Variants in NEGR1 observed in about 807,000 individuals in gnomAD.
The protein encoded by NEGR1 is IgLON family member 4.
Under a neutral mutation model 40.9 loss-of-function variants are expected in NEGR1, and 10 were observed. That is an observed-to-expected ratio of 0.24 (90% CI 0.15 to 0.42). NEGR1 has a LOEUF of 0.42. Ranked by LOEUF, NEGR1 falls within the 10% of genes least tolerant of loss-of-function variation. The pLI, the probability that NEGR1 is intolerant of heterozygous loss-of-function variation, is 1.00. For synonymous variants in NEGR1, 185 were observed against 166.8 expected, an observed-to-expected ratio of 1.11 and a Z score of -0.84; for missense variants, 352 against 438.9, an observed-to-expected ratio of 0.80 and a Z score of 1.77.
At chr1:72,093,341 A>AAAAAAAAAAAAAAAAAG (rs1179635064) in intron 1 of NEGR1, among the ~76,000 whole-genome samples, 3 of 151,412 alleles carry the variant, frequency 2.0e-5, no homozygotes, top group African/African-American at 7.3e-5. Flanking sequence ...AAAAAAAAAA[A>AAAAAAAAAAAAAAAAAG]AAGATGCTCA....
At chr1:71,617,149 G>A (rs565666327) in intron 4 of NEGR1, among the ~76,000 whole-genome samples, 4 of 152,290 alleles carry the variant, frequency 2.6e-5, no homozygotes, top group Admixed American at 2.6e-4. Flanking sequence ...CATGATTCTC[G>A]TGACTAACCA....
At chr1:71,442,611 C>T (rs1180495072) in intron 6 of NEGR1, among the ~76,000 whole-genome samples, 1 of 151,930 alleles carries the variant, frequency 6.6e-6, no homozygotes, top group Non-Finnish European at 1.5e-5. Context: ...GAGACTCCGT[C>T]TCAAAAAATA....
chr1:71,542,253 G>C (rs1647732171), intron 6 of NEGR1, among the ~76,000 whole-genome samples: 1 of 151,684 alleles, frequency 6.6e-6, no homozygotes, highest in Admixed American at 6.6e-5. Flanking sequence ...AAGCCTCTCT[G>C]AGAACTGCCA....
chr1:71,841,375 T>A (rs1289883897), intron 2 of NEGR1, among the ~76,000 whole-genome samples: 1 of 152,170 alleles, frequency 6.6e-6, no homozygotes, highest in Admixed American at 6.5e-5. Flanking sequence ...TTAAAGTGTA[T>A]AACCAAAAAT....
intron 6 of NEGR1, among the ~76,000 whole-genome samples, chr1:71,583,360 G>A (rs929580149): frequency 6.6e-6 from 1 of 152,146 alleles, no homozygotes; most frequent in Non-Finnish European, 1.5e-5. Flanking sequence ...AGGTGTTGCT[G>A]GCAGGAAGAA....
intron 2 of NEGR1, among the ~76,000 whole-genome samples, chr1:71,908,311 C>T (rs1661333539): frequency 6.6e-6 from 1 of 151,896 alleles, no homozygotes; most frequent in Non-Finnish European, 1.5e-5. Flanking sequence ...TTCATTCTAA[C>T]TTGATGCAAA....
At chr1:71,753,055 A>T (rs1317625747) in intron 3 of NEGR1, among the ~76,000 whole-genome samples, 3 of 152,074 alleles carry the variant, frequency 2.0e-5, no homozygotes, top group African/African-American at 7.2e-5. Flanking sequence ...GTGAATTACG[A>T]CTCAGATACT....
chr1:72,046,793 CAA>C (rs1647006273), intron 1 of NEGR1, among the ~76,000 whole-genome samples: 1 of 151,514 alleles, frequency 6.6e-6, no homozygotes, highest in African/African-American at 2.4e-5. Flanking sequence ...AACACTAATT[CAA>C]AGTACGTAAA....
At chr1:71,715,454 A>G (rs893453835) in intron 3 of NEGR1, among the ~76,000 whole-genome samples, 1 of 152,188 alleles carries the variant, frequency 6.6e-6, no homozygotes, top group Non-Finnish European at 1.5e-5. Flanking sequence ...ACCATATTAT[A>G]AGGCTTCAAA....
chr1:71,925,779 C>T (rs1028446780), intron 2 of NEGR1, among the ~76,000 whole-genome samples: 1 of 151,682 alleles, frequency 6.6e-6, no homozygotes, highest in Non-Finnish European at 1.5e-5. Context: ...TAAAACGACT[C>T]CAAGAAGAAA....
intron 4 of NEGR1, among the ~76,000 whole-genome samples, chr1:71,651,407 G>C (rs953055705): frequency 6.6e-6 from 1 of 152,084 alleles, no homozygotes; most frequent in African/African-American, 2.4e-5. Flanking sequence ...ATGATATCCA[G>C]CACACGGGAT....
At chr1:71,520,049 T>A (rs961791708) in intron 6 of NEGR1, among the ~76,000 whole-genome samples, 5 of 152,048 alleles carry the variant, frequency 3.3e-5, no homozygotes, top group African/African-American at 1.2e-4. Context: ...AATTTGTGGG[T>A]CCCTAAAAAT....
At chr1:72,146,980 T>G (rs1254875000) in intron 1 of NEGR1, among the ~76,000 whole-genome samples, 1 of 152,228 alleles carries the variant, frequency 6.6e-6, no homozygotes, top group African/African-American at 2.4e-5. Context: ...ATTCTCTTCA[T>G]TGACCTACAT....
chr1:71,903,353 GT>G lies in NEGR1; in HGVS notation c.409+31725del, dbSNP rs552408118. ...AATTCTATCACAAAGTTCTTCTGCT[GT>G]CAGCAAAATTAAGGCAGAAATTTTA... On this transcript the variant is annotated intron_variant, in intron 2 of 6. Transcript: ENST00000357731. Among the ~76,000 whole-genome samples the G allele has an allele frequency of 1.4e-3, 215 of 152,032 alleles. 1 individual carries two copies. Among genetic ancestry groups the G allele is most frequent in the African/African-American group, 5.0e-3 (209 of 41,524 alleles).
intron 4 of NEGR1, among the ~76,000 whole-genome samples, chr1:71,680,714 G>A (rs993889627): frequency 6.6e-6 from 1 of 152,060 alleles, no homozygotes; most frequent in African/African-American, 2.4e-5. Flanking sequence ...CTTCAGTGTT[G>A]TTGTCTTAAC....
At position 71,813,462 on chromosome 1, in the gene NEGR1, C is replaced by A. The variant is rs150680733; in HGVS notation, c.410-37165G>T. Among the ~76,000 whole-genome samples, 469 of 152,076 alleles carry A rather than the reference C, an allele frequency of 3.1e-3. 1 individual carries two copies. The highest frequency in any genetic ancestry group is 0.011 in the African/African-American group (448 of 41,506). On this transcript the variant is annotated intron_variant, in intron 2 of 6. Coordinates refer to ENST00000357731, the MANE Select transcript of NEGR1 (RefSeq NM_173808.3). The stretch of plus-strand genomic sequence containing the variant: ...ATTTTAAAGTAGCTTTTTTCTAATT[C>A]TGTGAAGAATGTCAATGGTAGTTTA...
chr1:72,171,972 A>G (rs1651979565), intron 1 of NEGR1, among the ~76,000 whole-genome samples: 1 of 152,204 alleles, frequency 6.6e-6, no homozygotes, highest in African/African-American at 2.4e-5. Flanking sequence ...ACTCTTCTAG[A>G]AAGTCAACTG....
intron 1 of NEGR1, among the ~76,000 whole-genome samples, chr1:72,272,324 AC>A (rs1438856279): frequency 6.6e-6 from 1 of 151,820 alleles, no homozygotes; most frequent in African/African-American, 2.4e-5. Flanking sequence ...CCTACCAAGC[AC>A]TAACTAAGTA....
At chr1:71,668,245 G>A (rs560782997) in intron 4 of NEGR1, among the ~76,000 whole-genome samples, 1 of 152,194 alleles carries the variant, frequency 6.6e-6, no homozygotes, top group South Asian at 2.1e-4. Context: ...CTTCTTTCTC[G>A]TGGGAGAAGA....
Sources: gnomAD v4.1 joint callset for allele counts (sites outside exome capture counted in the v4.1 genomes callset) on GRCh38, gnomAD v4.1.1 for gene constraint, MANE v1.5 for transcripts, NCBI Gene and HGNC (gene_info 2026-07-23, HGNC 2026-07-21) for gene names.